Variants in CACTIN observed in about 807,000 individuals in gnomAD.
The protein encoded by CACTIN is splicing factor Cactin.
Under a neutral mutation model 84.9 loss-of-function variants are expected in CACTIN, and 20 were observed. The observed-to-expected ratio is 0.24, with a 90% CI of 0.17 to 0.34. The LOEUF is 0.34. CACTIN is among the 10% of genes least tolerant of loss of function. CACTIN has a pLI of 1.00. For synonymous variants in CACTIN, 549 were observed against 467.9 expected (o/e 1.17, Z -2.24); for missense variants, 897 against 1,117.2 (o/e 0.80, Z 2.81).
At chr19:3,624,208 T>C in intron 1 of CACTIN, 46 bp from the exon 2 acceptor site, 1 of 1,472,590 alleles carries the variant, frequency 6.8e-7, no homozygotes, top group Non-Finnish European at 9.1e-7. Context: ...GCAGCTGTCA[T>C]CTGCTCCACA....
Position 3,611,887 on chromosome 19 carries a change from C to A in CACTIN, c.*36G>T, listed in dbSNP as rs139837460. ...GCTTCACCGAAGCCCCTTTACTGTG[C>A]CCCCGAGGACACCTGCCTGCCGTTC... is the stretch of plus-strand genomic sequence containing the variant. On this transcript the variant is annotated 3_prime_UTR_variant, in exon 10 of 10. Coordinates refer to ENST00000429344, the MANE Select transcript of CACTIN (RefSeq NM_001080543.2). The A allele has an allele frequency of 3.4e-5, 55 of 1,604,720 alleles. No homozygotes were observed. In the African/African-American group the frequency reaches 6.3e-4, roughly 18 times the overall value.
chr19:3,620,059 A>G, intron 4 of CACTIN, 68 bp downstream of exon 4: 1 of 1,574,416 alleles, frequency 6.4e-7, no homozygotes, highest in Middle Eastern at 1.8e-4. Flanking sequence ...AGTGGCTTCC[A>G]GAGTGACAGC....
chr19:3,620,084 G>A, intron 4 of CACTIN, 43 bp downstream of exon 4: 2 of 1,602,238 alleles, frequency 1.2e-6, no homozygotes, highest in South Asian at 1.1e-5. Context: ...GCCCGGCCCT[G>A]GCTCCAAGTC....
chr19:3,612,910 A>T, intron 9 of CACTIN, 148 bp downstream of exon 9: 1 of 964,808 alleles, frequency 1.0e-6, no homozygotes. Context: ...CGTGCAGGTG[A>T]CGGAATGCAC....
rs1430507825 is a variant in CACTIN at position 3,614,293 on chromosome 19, T to C, written c.1355+104A>G. 18 of 1,168,666 alleles carry C rather than the reference T, an allele frequency of 1.5e-5. No homozygotes were observed. The East Asian group carries it at 4.1e-4, about 27-fold the overall frequency. The allele number at this position is 1,168,666 out of a possible 1,614,324, so 72.4% of individuals were successfully genotyped here. A position where few individuals can be genotyped will look rare whatever the true frequency, so the allele number is the denominator to read the frequency against. On this transcript the variant is annotated intron_variant, in intron 7 of 9. Coordinates refer to ENST00000429344, the MANE Select transcript of CACTIN (RefSeq NM_001080543.2). ...CTTTCCTGCCCCTCTCCACCCCACA[T>C]GGTCCCAGGAGGAGGCGAGACCCAC...
chr19:3,614,699 C>A, intron 6 of CACTIN, 110 bp from the exon 7 acceptor site: 1 of 842,708 alleles, frequency 1.2e-6, no homozygotes, highest in Non-Finnish European at 1.9e-6. Context: ...CCTCCTCTTC[C>A]CCCACAGGGG....
At position 3,610,903 on chromosome 19, in the gene CACTIN, G is replaced by C; in HGVS notation, c.*1020C>G. 4.4e-6 allele frequency: 2 copies of C among 456,780 alleles called. No homozygotes were observed. Among genetic ancestry groups the C allele is most frequent in the South Asian group, 3.1e-5 (2 of 64,574 alleles). The allele number at this position is 456,780 out of a possible 1,614,324, so 28.3% of individuals were successfully genotyped here. A position where few individuals can be genotyped will look rare whatever the true frequency, so the allele number is the denominator to read the frequency against. ...GGAGATGTTCCCGTCGGATGCTGAAGAACAAGCCTGCCGGCTGGGCCACTC... is the reference window on the plus strand; with the variant it reads ...GGAGATGTTCCCGTCGGATGCTGAACAACAAGCCTGCCGGCTGGGCCACTC... On this transcript the variant is annotated 3_prime_UTR_variant, in exon 10 of 10. Transcript: ENST00000429344.
At chr19:3,612,485 G>C in intron 9 of CACTIN, 72 bp from the exon 10 acceptor site, 1 of 1,479,940 alleles carries the variant, frequency 6.8e-7, no homozygotes, top group Admixed American at 2.4e-5. Flanking sequence ...AGCCTCTCTG[G>C]CAGGGGCGGC....
rs751171863 is a variant in CACTIN at position 3,613,150 on chromosome 19, G to A, written c.1694C>T (p.Thr565Met). 3 of 1,609,238 alleles carry A rather than the reference G, an allele frequency of 1.9e-6. No homozygotes were observed. Among genetic ancestry groups the A allele is most frequent in the Non-Finnish European group, 8.5e-7 (1 of 1,179,170 alleles). Reference sequence around the variant, plus strand: ...CGCGTCCAGTGGCAGCTCGTGCGCCGTGAGCAGCCGCGGGCTGTACCTGCC... The same window carrying A: ...CGCGTCCAGTGGCAGCTCGTGCGCCATGAGCAGCCGCGGGCTGTACCTGCC... The part of the protein sequence containing the change: ...DAGRYSPRLL[T>M]AHELPLDAHV... The change falls in exon 9 of 10, where the codon ACG (threonine) becomes ATG (methionine). Residue 565 changes from threonine (T) to methionine (M), a missense_variant. Thr to Met is a moderately conservative substitution (Grantham distance 81). Coordinates refer to ENST00000429344, the MANE Select transcript of CACTIN (RefSeq NM_001080543.2).
At chr19:3,617,756 C>T (rs1221034532) in intron 6 of CACTIN, among the ~76,000 whole-genome samples, 13 of 152,170 alleles carry the variant, frequency 8.5e-5, no homozygotes, top group Non-Finnish European at 1.6e-4. Context: ...AGCCCCGCTG[C>T]CACCAGCAGG....
intron 9 of CACTIN, 21 bp from the exon 10 acceptor site, chr19:3,612,434 A>T (rs768377715): frequency 1.3e-6 from 2 of 1,558,218 alleles, no homozygotes; most frequent in East Asian, 4.5e-5. Context: ...GACGGCGTTC[A>T]CCCGGGCCTC....
rs992294335 is a variant in CACTIN at position 3,610,836 on chromosome 19, C to T, written c.*1087G>A. ...GCTGGTGACTGGTGAGGTTGGGTGG[C>T]CCTCTGGGGGTCCGGGAGGCACTTT... On this transcript the variant is annotated 3_prime_UTR_variant, in exon 10 of 10. Coordinates refer to ENST00000429344, the MANE Select transcript of CACTIN (RefSeq NM_001080543.2). 11 of 456,596 alleles carry T rather than the reference C, an allele frequency of 2.4e-5. No homozygotes were observed. Among genetic ancestry groups the T allele is most frequent in the African/African-American group, 2.2e-4 (11 of 50,042 alleles). The allele number at this position is 456,596 out of a possible 1,614,324, so 28.3% of individuals were successfully genotyped here. A position where few individuals can be genotyped will look rare whatever the true frequency, so the allele number is the denominator to read the frequency against.
rs1005561090 is a variant in CACTIN, at chr19:3,623,678, C to T, written c.642+10G>A. 9 of 1,587,792 alleles carry T rather than the reference C, an allele frequency of 5.7e-6. No homozygotes were observed. The East Asian group carries it at 6.9e-5, about 12-fold the overall frequency. Reference sequence around the variant, plus strand: ...TACAGGGACAGAGGCCACCACCCGGCGGGGCCCACCTTATTCCAGATGAAG... The same window carrying T: ...TACAGGGACAGAGGCCACCACCCGGTGGGGCCCACCTTATTCCAGATGAAG... On this transcript the variant is annotated intron_variant, in intron 2 of 9. Coordinates refer to ENST00000429344, the MANE Select transcript of CACTIN (RefSeq NM_001080543.2).
chr19:3,622,363 C>CAAAAAA (rs34766613), intron 2 of CACTIN, among the ~76,000 whole-genome samples: 16 of 88,126 alleles, frequency 1.8e-4, no homozygotes, highest in African/African-American at 4.4e-4. Flanking sequence ...GACTCCATCT[C>CAAAAAA]AAAAAAAAAA....
In CACTIN at chr19:3,623,801, T is replaced by C; in HGVS notation, c.529A>G (p.Lys177Glu). ...ATCTTCTCCCGCTTCTTGCGCTCCT[T>C]GGCCTCCTTCTTGGCCAGCCGCCGT... ...RARRLAKKEA[K>E]ERKKREKMGW... Residue 177 changes from lysine to glutamate, a missense_variant, in exon 2 of 10, where the codon AAG (lysine) becomes GAG (glutamate). This residue lies in a region of CACTIN where 304 missense variants were observed against 444.3 expected (regional missense o/e 0.68). Transcript: ENST00000429344. 1 of 1,613,856 alleles carries C rather than the reference T, an allele frequency of 6.2e-7. No homozygotes were observed. Among genetic ancestry groups the C allele is most frequent in the Non-Finnish European group, 8.5e-7 (1 of 1,179,868 alleles).
At chr19:3,613,779 C>T in intron 7 of CACTIN, 193 bp from the exon 8 acceptor site, 1 of 711,020 alleles carries the variant, frequency 1.4e-6, no homozygotes, top group Non-Finnish European at 2.2e-6. Flanking sequence ...CGAGAGGACG[C>T]AGGTACCCTG....
rs761140332 is a variant in CACTIN, at chr19:3,613,144, T to G, written c.1700A>C (p.His567Pro). Residue 567 changes from histidine (H) to proline (P), a missense_variant, in exon 9 of 10, where the codon CAC becomes CCC. His to Pro is a moderately conservative substitution (Grantham distance 77). Transcript: ENST00000429344. ...CACGTGCGCGTCCAGTGGCAGCTCG[T>G]GCGCCGTGAGCAGCCGCGGGCTGTA... ...GRYSPRLLTAHELPLDAHVLE... is the reference protein window; with the variant it reads ...GRYSPRLLTAPELPLDAHVLE... The G allele has an allele frequency of 6.2e-7, 1 of 1,608,358 alleles. No homozygotes were observed. The highest frequency in any genetic ancestry group is 8.5e-7 in the Non-Finnish European group (1 of 1,179,046).
rs1160313546 is a variant in CACTIN at position 3,613,047 on chromosome 19, C to G, written c.1786+11G>C. 5 of 1,519,262 alleles carry G rather than the reference C, an allele frequency of 3.3e-6. No homozygotes were observed. In the African/African-American group the frequency reaches 5.5e-5, roughly 17 times the overall value. 94.1% of individuals were successfully genotyped at this position (1,519,262 alleles called of 1,614,324 possible). A position where few individuals can be genotyped will look rare whatever the true frequency, so the allele number is the denominator to read the frequency against. ...CTGGCCCCACCCCCTGGCCTCCAGC[C>G]CCGCCCTTACCCGTGACCTGGAGCT... On this transcript the variant is annotated intron_variant, in intron 9 of 9. Transcript: ENST00000429344.
Position 3,623,680 on chromosome 19 carries a change from G to C in CACTIN, c.642+8C>G, listed in dbSNP as rs1453448028. The C allele has an allele frequency of 6.3e-7, 1 of 1,592,728 alleles. No homozygotes were observed. The highest frequency in any genetic ancestry group is 1.7e-4 in the Middle Eastern group (1 of 6,014). Reference sequence around the variant, plus strand: ...CAGGGACAGAGGCCACCACCCGGCGGGGCCCACCTTATTCCAGATGAAGGT... The same window carrying C: ...CAGGGACAGAGGCCACCACCCGGCGCGGCCCACCTTATTCCAGATGAAGGT... On this transcript the variant is annotated splice_region_variant and intron_variant, in intron 2 of 9. Transcript: ENST00000429344.
Sources: gnomAD v4.1 joint callset for allele counts (sites outside exome capture counted in the v4.1 genomes callset) on GRCh38, gnomAD v4.1.1 for gene constraint, gnomAD v4.1.1 regional missense constraint, MANE v1.5 for transcripts, NCBI Gene and HGNC (gene_info 2026-07-23, HGNC 2026-07-21) for gene names.